LY9: variants seen among roughly 807,000 people sequenced by gnomAD.
The protein encoded by LY9 is lymphocyte antigen 9, also known as T-lymphocyte surface antigen Ly-9.
A neutral mutation model predicts 64.6 loss-of-function variants in LY9; 59 were observed. The ratio of observed to expected loss-of-function variants is 0.91; its 90% CI spans 0.74 to 1.13. The LOEUF (loss-of-function observed/expected upper bound fraction) is 1.13. LY9 is among the 50% of genes most tolerant of loss of function. The pLI is 0.00. For synonymous variants in LY9, 281 were observed against 308.5 expected (o/e 0.91, Z 0.93); for missense variants, 789 against 797.2 (o/e 0.99, Z 0.12).
At chr1:160,814,342 C>T in intron 3 of LY9, 78 bp from the exon 4 acceptor site, 1 of 1,092,998 alleles carries the variant, frequency 9.1e-7, no homozygotes, top group Non-Finnish European at 1.3e-6. Flanking sequence ...TCAGTCCCCT[C>T]AGTCCCCTTT....
rs974899729 is a variant in LY9 at position 160,827,949 on chromosome 1, C to T, written c.*133C>T. 15 of 654,548 alleles carry T rather than the reference C, an allele frequency of 2.3e-5. No homozygotes were observed. The highest frequency in any genetic ancestry group is 3.7e-5 in the Non-Finnish European group (14 of 375,668). The allele number at this position is 654,548 out of a possible 1,614,324, so 40.5% of individuals were successfully genotyped here. On this transcript the variant is annotated 3_prime_UTR_variant, in exon 10 of 10. Coordinates refer to ENST00000263285, the MANE Select transcript of LY9 (RefSeq NM_002348.4). ...GTGCCTCAGAGATGCCTGGATGTGG[C>T]CCCTCCCCCTCCTTCTCACCCTTAA... is the stretch of plus-strand genomic sequence containing the variant.
intron 6 of LY9, among the ~76,000 whole-genome samples, chr1:160,818,788 A>G (rs1193427559): frequency 1.3e-5 from 2 of 152,146 alleles, no homozygotes; most frequent in Non-Finnish European, 2.9e-5. Flanking sequence ...ACACATACTA[A>G]CAGCTCCGAC....
In LY9 at chr1:160,823,572, A is replaced by C; in HGVS notation, c.1606A>C (p.Ser536Arg). ...ACAGCCTACACCCACCTCAGACAGC[A>C]GCTCTGACAGCAACCTCACAACTGA... ...RQQPTPTSDS[S>R]SDSNLTTEED... is the part of the protein sequence containing the mutation. The change falls in exon 8 of 10, where the codon AGC (serine) becomes CGC (arginine). Residue 536 changes from serine to arginine, a missense_variant. By Grantham distance (110) the Ser-to-Arg change is moderately radical (BLOSUM62 -1). Coordinates refer to ENST00000263285, the MANE Select transcript of LY9 (RefSeq NM_002348.4). 1 of 1,614,120 alleles carries C rather than the reference A, an allele frequency of 6.2e-7. No individual in the cohort carries two copies. The highest frequency in any genetic ancestry group is 8.5e-7 in the Non-Finnish European group (1 of 1,179,942).
intron 2 of LY9, chr1:160,801,756 C>T (rs753768207): frequency 6.5e-7 from 1 of 1,541,282 alleles, no homozygotes; most frequent in African/African-American, 1.4e-5. Flanking sequence ...GGTTCAACTT[C>T]ATTCTTCTGC....
intron 9 of LY9, among the ~76,000 whole-genome samples, chr1:160,826,365 TA>T (rs1174909461): frequency 2.6e-5 from 4 of 152,092 alleles, no homozygotes; most frequent in Non-Finnish European, 4.4e-5. Context: ...GTGTGATGTT[TA>T]TTGAAAAAAA....
In LY9 at chr1:160,813,848, A is replaced by G; in HGVS notation, c.667A>G (p.Thr223Ala). The change falls in exon 3 of 10, where the codon ACA (threonine) becomes GCA (alanine). Residue 223 changes from threonine to alanine, a missense_variant. Coordinates refer to ENST00000263285, the MANE Select transcript of LY9 (RefSeq NM_002348.4). ...TGACCCAGACCTGCCATACATCTGC[A>G]CAGCCCAGAACCCCGTCAGCCAGAG... is the stretch of plus-strand genomic sequence containing the variant. ...PCDPDLPYIC[T>A]AQNPVSQRSS... The G allele has an allele frequency of 1.2e-6, 2 of 1,614,202 alleles. No individual in the cohort carries two copies. Among genetic ancestry groups the G allele is most frequent in the Non-Finnish European group, 1.7e-6 (2 of 1,180,034 alleles).
rs139950666 is a variant in LY9 at position 160,796,496 on chromosome 1, G to A, written c.124+185G>A. 6.3e-3 allele frequency among the ~76,000 whole-genome samples: 954 copies of A among 152,072 alleles called. 13 individuals are homozygous for A. The highest frequency in any genetic ancestry group is 0.022 in the African/African-American group (904 of 41,474). On this transcript the variant is annotated intron_variant, in intron 1 of 9. Transcript: ENST00000263285. ...CAACCTCCACCTCCTGGGTTCAAGCGATTCTCCTACCTCAGCCTCTTGAGT... is the reference window on the plus strand; with the variant it reads ...CAACCTCCACCTCCTGGGTTCAAGCAATTCTCCTACCTCAGCCTCTTGAGT...
chr1:160,817,746 G>A (rs973753597), intron 5 of LY9, among the ~76,000 whole-genome samples: 8 of 152,134 alleles, frequency 5.3e-5, no homozygotes, highest in African/African-American at 1.7e-4. Flanking sequence ...AGCTGGTTTC[G>A]AACCCTGAGC....
At chr1:160,822,759 C>T (rs572151498) in intron 7 of LY9, among the ~76,000 whole-genome samples, 4 of 152,298 alleles carry the variant, frequency 2.6e-5, no homozygotes, top group South Asian at 2.1e-4. Context: ...TGGGCCACAC[C>T]GGCCCTCACA....
chr1:160,816,677 G>A lies in LY9; in HGVS notation c.1156G>A (p.Glu386Lys), dbSNP rs1667975918. ...CAGGATCAGCCTGACCTGCTCCGTG[G>A]AGGACGGGGGAAACACTGTCATGTA... is the stretch of plus-strand genomic sequence containing the variant. ...ICRISLTCSV[E>K]DGGNTVMYTW... The change falls in exon 5 of 10, where the codon GAG (glutamate) becomes AAG (lysine). Residue 386 changes from glutamate (E) to lysine (K), a missense_variant. Coordinates refer to ENST00000263285, the MANE Select transcript of LY9 (RefSeq NM_002348.4). 2 of 1,614,208 alleles carry A rather than the reference G, an allele frequency of 1.2e-6. No individual in the cohort carries two copies. The highest frequency in any genetic ancestry group is 1.7e-6 in the Non-Finnish European group (2 of 1,180,028).
chr1:160,796,887 C>T lies in LY9; in HGVS notation c.124+576C>T, dbSNP rs139704709. 4.8e-3 allele frequency among the ~76,000 whole-genome samples: 735 copies of T among 152,276 alleles called. 6 individuals are homozygous for T. Among genetic ancestry groups the T allele is most frequent in the Middle Eastern group, 0.017 (5 of 294 alleles). ...CCCTGTATGGTGTGGATAAAACCCA[C>T]AGAGGGATCCAGGAAAATCCCCTGA... is the stretch of plus-strand genomic sequence containing the variant. On this transcript the variant is annotated intron_variant, in intron 1 of 9. Coordinates refer to ENST00000263285, the MANE Select transcript of LY9 (RefSeq NM_002348.4).
chr1:160,811,428 A>G (rs1667467514), intron 2 of LY9: 1 of 152,192 alleles, frequency 6.6e-6, no homozygotes, highest in Non-Finnish European at 1.5e-5. Context: ...TTTTCGCAAT[A>G]TGAATAGGTG....
chr1:160,803,301 T>A (rs28823698), intron 2 of LY9, among the ~76,000 whole-genome samples: 7,413 of 151,742 alleles, frequency 0.049, 519 homozygotes, highest in African/African-American at 0.15. Context: ...TTTTTTTTTT[T>A]AAAAAGTATT....
chr1:160,802,275 C>T (rs1666569138), intron 2 of LY9: 3 of 1,011,542 alleles, frequency 3.0e-6, no homozygotes, highest in East Asian at 2.0e-4. Context: ...TGCAAAGACT[C>T]CTCGGGCAGC....
At chr1:160,802,623 T>G in intron 2 of LY9, 1 of 985,540 alleles carries the variant, frequency 1.0e-6, no homozygotes, top group Non-Finnish European at 1.2e-6. Flanking sequence ...CCCCATTTTA[T>G]TTTTACACCA....
At chr1:160,823,409 G>A in intron 7 of LY9, 56 bp from the exon 8 acceptor site, 1 of 1,389,982 alleles carries the variant, frequency 7.2e-7, no homozygotes, top group African/African-American at 1.4e-5. Flanking sequence ...TTGCAGCAAA[G>A]CAAGAAGAGA....
At chr1:160,822,060 C>G (rs1051292492) in intron 7 of LY9, among the ~76,000 whole-genome samples, 3 of 152,146 alleles carry the variant, frequency 2.0e-5, no homozygotes, top group African/African-American at 7.2e-5. Context: ...TAGGCACTTA[C>G]TAAATATGAG....
intron 2 of LY9, among the ~76,000 whole-genome samples, chr1:160,806,514 C>T (rs1457032831): frequency 2.6e-5 from 4 of 152,150 alleles, no homozygotes; most frequent in Non-Finnish European, 5.9e-5. Flanking sequence ...GAATAATTTT[C>T]CCAGATATAG....
intron 2 of LY9, among the ~76,000 whole-genome samples, chr1:160,809,485 A>C (rs1316507483): frequency 6.6e-6 from 1 of 152,012 alleles, no homozygotes; most frequent in Non-Finnish European, 1.5e-5. Flanking sequence ...GACTACAGGC[A>C]TGTGCCACCA....
Sources: allele counts gnomAD v4.1 joint callset (sites outside exome capture counted in the v4.1 genomes callset), GRCh38; gene constraint gnomAD v4.1.1; transcripts MANE v1.5; gene names NCBI Gene and HGNC (gene_info 2026-07-23, HGNC 2026-07-21).